Variants in ADK observed in about 807,000 individuals in gnomAD.
ADK encodes adenosine kinase.
A neutral mutation model predicts 44.7 loss-of-function variants in ADK; 24 were observed. That is an observed-to-expected ratio of 0.54 (90% CI 0.39 to 0.76). ADK has a LOEUF of 0.76. Ranked by LOEUF, ADK falls within the 30% of genes least tolerant of loss-of-function variation. The pLI is 0.00. For synonymous variants in ADK, 128 were observed against 142.6 expected (o/e 0.90, Z 0.73); for missense variants, 321 against 425.1 (o/e 0.76, Z 2.15).
At chr10:74,430,767 A>C (rs188693961) in intron 6 of ADK, among the ~76,000 whole-genome samples, 1 of 152,054 alleles carries the variant, frequency 6.6e-6, no homozygotes, top group African/African-American at 2.4e-5. Context: ...GAAGTGAAGA[A>C]AAAAGCCATA....
intron 4 of ADK, among the ~76,000 whole-genome samples, chr10:74,349,996 T>A (rs1841911576): frequency 6.6e-6 from 1 of 152,102 alleles, no homozygotes; most frequent in South Asian, 2.1e-4. Context: ...CAATATGAGA[T>A]CAATGAGACA....
intron 4 of ADK, among the ~76,000 whole-genome samples, chr10:74,382,792 AG>A (rs748455886): frequency 6.6e-6 from 1 of 151,994 alleles, no homozygotes; most frequent in Non-Finnish European, 1.5e-5. Flanking sequence ...GAAAAGAAAA[AG>A]GCTTCCTCAC....
intron 7 of ADK, among the ~76,000 whole-genome samples, chr10:74,583,936 T>C (rs929527028): frequency 1.2e-4 from 19 of 152,210 alleles, no homozygotes; most frequent in African/African-American, 4.3e-4. Flanking sequence ...TTATTGATCA[T>C]GCACCACTCC....
intron 3 of ADK, among the ~76,000 whole-genome samples, chr10:74,248,368 CT>C (rs146296780): frequency 6.1e-5 from 9 of 147,932 alleles, no homozygotes; most frequent in Admixed American, 1.3e-4. Flanking sequence ...TTTCAGATTG[CT>C]TTTTTTTTTG....
intron 1 of ADK, among the ~76,000 whole-genome samples, chr10:74,154,530 A>G (rs1841697748): frequency 6.6e-6 from 1 of 152,116 alleles, no homozygotes; most frequent in South Asian, 2.1e-4. Context: ...CAGCCTCCCA[A>G]AGTGTTGGGA....
At chr10:74,442,687 A>G (rs1163499671) in intron 6 of ADK, among the ~76,000 whole-genome samples, 2 of 152,164 alleles carry the variant, frequency 1.3e-5, no homozygotes, top group Non-Finnish European at 2.9e-5. Flanking sequence ...AAATGAAATC[A>G]GTATGTTGAA....
chr10:74,251,731 A>G (rs1845657714), intron 3 of ADK, among the ~76,000 whole-genome samples: 1 of 152,128 alleles, frequency 6.6e-6, no homozygotes, highest in South Asian at 2.1e-4. Context: ...CTTGTAGAAC[A>G]TAAGAGTTGT....
intron 3 of ADK, among the ~76,000 whole-genome samples, chr10:74,257,974 C>T (rs4320897): frequency 6.6e-6 from 1 of 152,124 alleles, no homozygotes; most frequent in South Asian, 2.1e-4. Context: ...TAGTTACCAC[C>T]CACAAGGGTA....
intron 6 of ADK, among the ~76,000 whole-genome samples, chr10:74,516,324 C>T (rs1297835291): frequency 2.0e-5 from 3 of 152,064 alleles, no homozygotes; most frequent in Non-Finnish European, 4.4e-5. Flanking sequence ...CTCTATGCTG[C>T]CTTCCTAGAT....
chr10:74,336,204 CAG>C (rs1841403798), intron 4 of ADK, among the ~76,000 whole-genome samples: 2 of 115,734 alleles, frequency 1.7e-5, no homozygotes, highest in South Asian at 2.5e-4. Context: ...AGGTCTGTAA[CAG>C]AGTTTTTGAT....
intron 3 of ADK, among the ~76,000 whole-genome samples, chr10:74,231,464 GT>G (rs925954608): frequency 9.5e-5 from 14 of 146,664 alleles, no homozygotes; most frequent in South Asian, 4.4e-4. Context: ...TGTAAGAAAA[GT>G]TTTTTTTTTG....
chr10:74,576,024 C>G (rs910274264), intron 7 of ADK, among the ~76,000 whole-genome samples: 1 of 151,968 alleles, frequency 6.6e-6, no homozygotes, highest in East Asian at 1.9e-4. Flanking sequence ...GAAAGTGAGG[C>G]AGGATATCTT....
At chr10:74,200,954 A>G in intron 2 of ADK, 116 bp downstream of exon 2, 1 of 761,414 alleles carries the variant, frequency 1.3e-6, no homozygotes, top group Non-Finnish European at 2.2e-6. Flanking sequence ...AAACTCAGGA[A>G]ATTTAAGTTT....
chr10:74,306,404 G>T (rs1331999693), intron 3 of ADK, among the ~76,000 whole-genome samples: 1 of 152,142 alleles, frequency 6.6e-6, no homozygotes, highest in Non-Finnish European at 1.5e-5. Context: ...TGGTAATCCA[G>T]CCAGAGAACT....
chr10:74,562,923 G>A (rs1209678614), intron 7 of ADK, among the ~76,000 whole-genome samples: 2 of 151,814 alleles, frequency 1.3e-5, no homozygotes, highest in South Asian at 4.2e-4. Flanking sequence ...TTTTCTTTGT[G>A]TTGTGTTGTC....
At chr10:74,352,336 GT>G (rs2131908742) in intron 4 of ADK, among the ~76,000 whole-genome samples, 1 of 152,220 alleles carries the variant, frequency 6.6e-6, no homozygotes, top group South Asian at 2.1e-4. Context: ...AGGATTCCCT[GT>G]TTAATAAATG....
At chr10:74,173,156 G>A (rs1383205393) in intron 1 of ADK, among the ~76,000 whole-genome samples, 1 of 147,828 alleles carries the variant, frequency 6.8e-6, no homozygotes, top group Non-Finnish European at 1.5e-5. Flanking sequence ...GCAGTGGCAT[G>A]ATCTCTGCTC....
intron 7 of ADK, among the ~76,000 whole-genome samples, chr10:74,562,300 A>C (rs1012573110): frequency 1.3e-5 from 2 of 152,172 alleles, no homozygotes; most frequent in Admixed American, 6.5e-5. Context: ...TTTTTAAAGG[A>C]GTAAGGACCT....
intron 6 of ADK, among the ~76,000 whole-genome samples, chr10:74,416,355 T>C (rs1455017629): frequency 3.3e-5 from 5 of 152,048 alleles, no homozygotes; most frequent in Non-Finnish European, 7.4e-5. Flanking sequence ...GTGTTTTCTT[T>C]CTTCACCTTG....
Sources: allele counts gnomAD v4.1 joint callset (sites outside exome capture counted in the v4.1 genomes callset), GRCh38; gene constraint gnomAD v4.1.1; transcripts MANE v1.5; gene names NCBI Gene and HGNC (gene_info 2026-07-23, HGNC 2026-07-21).